BMP1: variants seen among roughly 807,000 people sequenced by gnomAD.
BMP1 encodes the protein bone morphogenetic protein 1.
A neutral mutation model predicts 116.8 loss-of-function variants in BMP1; 63 were observed. The ratio of observed to expected loss-of-function variants is 0.54; its 90% CI spans 0.44 to 0.67. The LOEUF is 0.67. Ranked by LOEUF, BMP1 falls within the 30% of genes least tolerant of loss-of-function variation. BMP1 has a pLI of 0.00. For missense variants in BMP1, 1,183 were observed against 1,358.9 expected, an observed-to-expected ratio of 0.87 and a Z score of 2.04; for synonymous variants, 536 against 533.4, an observed-to-expected ratio of 1.00 and a Z score of -0.07.
intron 15 of BMP1, among the ~76,000 whole-genome samples, chr8:22,199,554 A>G (rs1300570143): frequency 6.6e-6 from 1 of 151,756 alleles, no homozygotes; most frequent in Non-Finnish European, 1.5e-5. Context: ...CCATTCACTT[A>G]CGCGTTCACT....
At chr8:22,202,619 AG>A (rs1162573455) in intron 16 of BMP1, among the ~76,000 whole-genome samples, 1 of 152,050 alleles carries the variant, frequency 6.6e-6, no homozygotes, top group Non-Finnish European at 1.5e-5. Context: ...AGGCCGAGGC[AG>A]GAGGATCGCT....
intron 15 of BMP1, chr8:22,201,009 C>CCCCCAAACCCCCCCA: frequency 4.1e-6 from 2 of 486,862 alleles, no homozygotes; most frequent in Admixed American, 3.4e-5. Context: ...CCCTGCCCCT[C>CCCCCAAACCCCCCCA]AGATCCACCT....
chr8:22,195,844 T>A (rs531584257), intron 13 of BMP1, among the ~76,000 whole-genome samples: 2 of 152,222 alleles, frequency 1.3e-5, no homozygotes, highest in African/African-American at 4.8e-5. Context: ...CAATGAGGTC[T>A]TACTTTGTTG....
At chr8:22,182,510 G>A (rs149884011) in intron 8 of BMP1, among the ~76,000 whole-genome samples, 9 of 152,264 alleles carry the variant, frequency 5.9e-5, no homozygotes, top group African/African-American at 1.9e-4. Context: ...TCTTTCTGTC[G>A]TTGGCCCAGG....
chr8:22,174,853 C>T (rs559116564), intron 2 of BMP1, among the ~76,000 whole-genome samples: 1 of 152,124 alleles, frequency 6.6e-6, no homozygotes, highest in East Asian at 1.9e-4. Flanking sequence ...AGGCTGGTCT[C>T]GAACTCCTGG....
At chr8:22,176,503 G>A (rs376175976) in intron 3 of BMP1, 30 bp from the exon 4 acceptor site, 1 of 1,609,250 alleles carries the variant, frequency 6.2e-7, no homozygotes, top group Non-Finnish European at 8.5e-7. Flanking sequence ...CCTGGACACC[G>A]TGGCAACCTG....
At chr8:22,183,717 A>G (rs1278067981) in intron 8 of BMP1, among the ~76,000 whole-genome samples, 2 of 152,116 alleles carry the variant, frequency 1.3e-5, no homozygotes, top group Non-Finnish European at 2.9e-5. Context: ...AGCTGGGATT[A>G]CAGGCATGTG....
At chr8:22,195,642 T>C in intron 13 of BMP1, 55 bp downstream of exon 13, 2 of 1,565,496 alleles carry the variant, frequency 1.3e-6, no homozygotes, top group South Asian at 1.2e-5. Context: ...CCAGCCCACC[T>C]GCCCAGAATT....
chr8:22,173,118 G>A (rs1407204805), intron 1 of BMP1, among the ~76,000 whole-genome samples: 1 of 152,140 alleles, frequency 6.6e-6, no homozygotes, highest in African/African-American at 2.4e-5. Context: ...CTAATAACTA[G>A]GGTATTGTCT....
chr8:22,181,299 T>C (rs571088843), intron 8 of BMP1, among the ~76,000 whole-genome samples: 1 of 152,344 alleles, frequency 6.6e-6, no homozygotes, highest in South Asian at 2.1e-4. Flanking sequence ...TGGGGCTGGC[T>C]TCGGGCATAC....
In BMP1 at chr8:22,176,253, C is replaced by A. The variant is rs747988703; in HGVS notation, c.373C>A (p.Arg125=). 14 of 1,613,494 alleles carry A rather than the reference C, an allele frequency of 8.7e-6. No homozygotes were observed. In the South Asian group the frequency reaches 1.5e-4, roughly 18 times the overall value. The change falls in exon 3 of 20, where the codon CGA becomes AGA. Residue 125 remains arginine, a synonymous_variant. Coordinates refer to ENST00000306385, the MANE Select transcript of BMP1 (RefSeq NM_006129.5). ...RSRSRRAATS[R]PERVWPDGVI... is the part of the protein sequence containing the mutation. ...CCGTAGCCGGCGGGCGGCGACGTCC[C>A]GACCAGAGCGTGTGTGGCCCGATGG...
chr8:22,208,958 G>A (rs376551031), intron 18 of BMP1, among the ~76,000 whole-genome samples: 28 of 152,336 alleles, frequency 1.8e-4, no homozygotes, highest in South Asian at 6.2e-4. Flanking sequence ...GTCACAAACC[G>A]GAGGCCCGGA....
chr8:22,195,512 C>G lies in BMP1; in HGVS notation c.1690C>G (p.Leu564Val). Residue 564 changes from leucine to valine, a missense_variant, in exon 13 of 20, where the codon CTC becomes GTC. This residue lies in a region of BMP1 where 956 missense variants were observed against 1,135.2 expected (regional missense o/e 0.84). Transcript: ENST00000306385. Reference sequence around the variant, plus strand: ...CCGCGGGGGCTGTGAGCAGCGGTGCCTCAACACCCTGGGCAGCTACAAGTG... The same window carrying G: ...CCGCGGGGGCTGTGAGCAGCGGTGCGTCAACACCCTGGGCAGCTACAAGTG... ...PNRGGCEQRC[L>V]NTLGSYKCSC... 1 of 1,612,714 alleles carries G rather than the reference C, an allele frequency of 6.2e-7. No homozygotes were observed. Among genetic ancestry groups the G allele is most frequent in the Non-Finnish European group, 8.5e-7 (1 of 1,179,770 alleles).
chr8:22,175,992 C>A, intron 2 of BMP1, 151 bp from the exon 3 acceptor site: 1 of 797,896 alleles, frequency 1.3e-6, no homozygotes, highest in South Asian at 1.8e-5. Flanking sequence ...ACCGTGAAAG[C>A]CCTGAGAGTA....
chr8:22,202,931 G>A (rs1262453529), intron 16 of BMP1, among the ~76,000 whole-genome samples: 3 of 152,040 alleles, frequency 2.0e-5, no homozygotes, highest in African/African-American at 7.2e-5. Flanking sequence ...AATCACCTGA[G>A]TCTGGGGAGG....
At chr8:22,168,015 G>A (rs7812841) in intron 1 of BMP1, among the ~76,000 whole-genome samples, 37 of 152,272 alleles carry the variant, frequency 2.4e-4, no homozygotes, top group African/African-American at 8.9e-4. Context: ...TTCAAGGGCT[G>A]GAACTGAAAG....
intron 8 of BMP1, among the ~76,000 whole-genome samples, chr8:22,189,615 T>C (rs1828874244): frequency 6.6e-6 from 1 of 152,004 alleles, no homozygotes; most frequent in South Asian, 2.1e-4. Context: ...TACAGACACA[T>C]GCCACCATAG....
chr8:22,188,201 G>A (rs1321574666), intron 8 of BMP1, among the ~76,000 whole-genome samples: 1 of 101,310 alleles, frequency 9.9e-6, no homozygotes, highest in African/African-American at 4.6e-5. Flanking sequence ...TTTTTTTTCT[G>A]AGACAGAGTT....
chr8:22,167,211 T>C (rs1586430371), intron 1 of BMP1, among the ~76,000 whole-genome samples: 2 of 152,278 alleles, frequency 1.3e-5, no homozygotes, highest in Non-Finnish European at 2.9e-5. Flanking sequence ...AATCCATCAA[T>C]ACCTAATATG....
Sources: allele counts gnomAD v4.1 joint callset (sites outside exome capture counted in the v4.1 genomes callset), GRCh38; gene constraint gnomAD v4.1.1; regional missense constraint gnomAD v4.1.1; transcripts MANE v1.5; gene names NCBI Gene and HGNC (gene_info 2026-07-23, HGNC 2026-07-21).